Variants in CS observed in about 807,000 individuals in gnomAD.
The protein encoded by CS is citrate synthase, mitochondrial.
Under a neutral mutation model 61.4 loss-of-function variants are expected in CS, and 13 were observed. The observed-to-expected ratio is 0.21, with a 90% CI of 0.14 to 0.34. CS has a LOEUF of 0.34. CS is among the 10% of genes least tolerant of loss of function. The probability of loss-of-function intolerance (pLI) is 1.00; values close to 1 mark genes in which losing one functional copy is unlikely to be tolerated. For synonymous variants in CS, 159 were observed against 215.2 expected, an observed-to-expected ratio of 0.74 and a Z score of 2.29; for missense variants, 278 against 573.4, an observed-to-expected ratio of 0.48 and a Z score of 5.26.
Position 56,273,702 on chromosome 12 carries a change from G to C in CS, c.1115C>G (p.Pro372Arg), listed in dbSNP as rs914376579. ...CAGCTGAGCAACCAACTTAAACATGGGGTCATTAGGCAGGTGTTTCAGAGC... is the reference window on the plus strand; with the variant it reads ...CAGCTGAGCAACCAACTTAAACATGCGGTCATTAGGCAGGTGTTTCAGAGC... ...EFALKHLPNDPMFKLVAQLYK... is the reference protein window; with the variant it reads ...EFALKHLPNDRMFKLVAQLYK... Residue 372 changes from proline (P) to arginine (R), a missense_variant, in exon 10 of 11, where the codon CCC becomes CGC. Physicochemically the swap from Pro to Arg is moderately radical, Grantham distance 103. Transcript: ENST00000351328. The C allele has an allele frequency of 3.7e-6, 6 of 1,614,012 alleles. No individual in the cohort carries two copies. The African/African-American group carries it at 8.0e-5, about 22-fold the overall frequency.
chr12:56,293,023 C>G (rs959059871), intron 1 of CS, among the ~76,000 whole-genome samples: 2 of 152,130 alleles, frequency 1.3e-5, no homozygotes. Context: ...AGAAGAATCG[C>G]TTGAACCCAG....
At chr12:56,275,174 G>C (rs1377643857) in intron 7 of CS, 43 bp from the exon 8 acceptor site, 2 of 1,612,448 alleles carry the variant, frequency 1.2e-6, no homozygotes, top group Non-Finnish European at 1.7e-6. Flanking sequence ...AGAAAGAAGG[G>C]GCAGATTATG....
Position 56,274,043 on chromosome 12 carries a change from G to T in CS, c.1021-247C>A. On this transcript the variant is annotated intron_variant, in intron 9 of 10. Coordinates refer to ENST00000351328, the MANE Select transcript of CS (RefSeq NM_004077.3). The stretch of plus-strand genomic sequence containing the variant: ...TAAAGATGGGGTCTGGCCGTGTGCG[G>T]TGGCTCATGCCTGTAATCCCAGCAC... 6.0e-6 allele frequency: 3 copies of T among 496,744 alleles called. No individual in the cohort carries two copies. The South Asian group carries it at 6.4e-5, about 11-fold the overall frequency. 30.8% of individuals were successfully genotyped at this position (496,744 alleles called of 1,614,324 possible).
intron 1 of CS, among the ~76,000 whole-genome samples, chr12:56,296,045 C>T (rs569766759): frequency 3.3e-5 from 5 of 150,126 alleles, no homozygotes; most frequent in Admixed American, 2.0e-4. Context: ...TTCCAGATCC[C>T]ATCCTACTTT....
Position 56,272,863 on chromosome 12 carries a change from A to T in CS, c.*221T>A. ...CTGGTCATCCTCCAGGACCATGCGT[A>T]TGATGGGCAACTCATACCAGGCAGG... On this transcript the variant is annotated 3_prime_UTR_variant, in exon 11 of 11. Coordinates refer to ENST00000351328, the MANE Select transcript of CS (RefSeq NM_004077.3). The T allele has an allele frequency of 2.0e-6, 1 of 490,162 alleles. No homozygotes were observed. The highest frequency in any genetic ancestry group is 2.3e-5 in the South Asian group (1 of 43,618). The allele number at this position is 490,162 out of a possible 1,614,324, so 30.4% of individuals were successfully genotyped here. A position where few individuals can be genotyped will look rare whatever the true frequency, so the allele number is the denominator to read the frequency against.
At chr12:56,279,627 A>G (rs1239884245) in intron 6 of CS, among the ~76,000 whole-genome samples, 3 of 152,014 alleles carry the variant, frequency 2.0e-5, no homozygotes, top group Admixed American at 1.3e-4. Context: ...TTAGCCAGGC[A>G]TGGTGGCGGG....
intron 6 of CS, among the ~76,000 whole-genome samples, chr12:56,281,983 T>A (rs1326856422): frequency 6.6e-6 from 1 of 152,140 alleles, no homozygotes; most frequent in East Asian, 1.9e-4. Flanking sequence ...CTCAGCCTCC[T>A]GAGTAGGTGG....
At position 56,273,216 on chromosome 12, in the gene CS, C is replaced by T. The variant is rs1307883626; in HGVS notation, c.1269G>A (p.Leu423=). 7 of 1,614,066 alleles carry T rather than the reference C, an allele frequency of 4.3e-6. No homozygotes were observed. The African/African-American group carries it at 5.3e-5, about 12-fold the overall frequency. Residue 423 remains leucine, a synonymous_variant, in exon 11 of 11, where the codon CTG becomes CTA. Transcript: ENST00000351328. ...GMTEMNYYTV[L]FGVSRALGVL... ...CACCCAATGCTCGTGACACCCCAAACAGGACCGTGTAGTAATTCATCTCCG... is the reference window on the plus strand; with the variant it reads ...CACCCAATGCTCGTGACACCCCAAATAGGACCGTGTAGTAATTCATCTCCG...
chr12:56,288,630 T>C (rs1873018609), intron 1 of CS, among the ~76,000 whole-genome samples: 1 of 151,906 alleles, frequency 6.6e-6, no homozygotes, highest in African/African-American at 2.4e-5. Flanking sequence ...AGTTCCCCTA[T>C]TTCTGTTGGG....
At chr12:56,284,247 A>C (rs1872861640) in intron 3 of CS, among the ~76,000 whole-genome samples, 1 of 150,270 alleles carries the variant, frequency 6.7e-6, no homozygotes, top group South Asian at 2.1e-4. Context: ...TGAACCCAGA[A>C]GGCAGAGATT....
chr12:56,286,140 G>C (rs1565621994), intron 2 of CS, 117 bp from the exon 3 acceptor site: 2 of 747,598 alleles, frequency 2.7e-6, no homozygotes, highest in Non-Finnish European at 4.6e-6. Context: ...AGGGAAGTCT[G>C]GTCAACTACT....
intron 10 of CS, 41 bp downstream of exon 10, chr12:56,273,546 T>G: frequency 6.3e-7 from 1 of 1,586,324 alleles, no homozygotes; most frequent in Non-Finnish European, 8.7e-7. Context: ...ACAATAGGGT[T>G]TGGTACAAAT....
intron 1 of CS, among the ~76,000 whole-genome samples, chr12:56,297,997 C>CG (rs370171385): frequency 6.6e-6 from 1 of 151,864 alleles, no homozygotes; most frequent in Non-Finnish European, 1.5e-5. Context: ...CTACCCCCCC[C>CG]GCCCTTTTTT....
intron 6 of CS, among the ~76,000 whole-genome samples, chr12:56,278,557 CA>C (rs1320496161): frequency 6.6e-6 from 1 of 151,824 alleles, no homozygotes; most frequent in Non-Finnish European, 1.5e-5. Context: ...GCCAACAAGG[CA>C]AAACCCCATC....
chr12:56,284,324 A>C (rs1872866299), intron 3 of CS, among the ~76,000 whole-genome samples: 1 of 149,572 alleles, frequency 6.7e-6, no homozygotes, highest in African/African-American at 2.5e-5. Flanking sequence ...CATCTCAAAA[A>C]AAAAAAAAAA....
chr12:56,287,768 C>T (rs776736069), intron 1 of CS, among the ~76,000 whole-genome samples: 16 of 152,120 alleles, frequency 1.1e-4, no homozygotes, highest in Non-Finnish European at 2.4e-4. Context: ...GATTCTCCTG[C>T]CTTAGCCTCC....
rs188526912 is a variant in CS at position 56,275,278 on chromosome 12, A to T, written c.789-147T>A. On this transcript the variant is annotated intron_variant, in intron 7 of 10. Coordinates refer to ENST00000351328, the MANE Select transcript of CS (RefSeq NM_004077.3). Reference sequence around the variant, plus strand: ...TCAGTTATACCTAAACTCTTGTAAAAGACATCCTAATCTTGGCCAGGCACA... The same window carrying T: ...TCAGTTATACCTAAACTCTTGTAAATGACATCCTAATCTTGGCCAGGCACA... 2.6e-5 allele frequency: 25 copies of T among 952,466 alleles called. No homozygotes were observed. In the East Asian group the frequency reaches 6.1e-4, roughly 23 times the overall value. 59.0% of individuals were successfully genotyped at this position (952,466 alleles called of 1,614,324 possible).
At chr12:56,279,215 T>C (rs891917426) in intron 6 of CS, among the ~76,000 whole-genome samples, 1 of 152,264 alleles carries the variant, frequency 6.6e-6, no homozygotes, top group Non-Finnish European at 1.5e-5. Flanking sequence ...ATTAGAGGCC[T>C]AGAAGCTAGT....
Position 56,273,084 on chromosome 12 carries a change from T to G in CS, c.1401A>C (p.Ter467TyrextTer17), listed in dbSNP as rs1416965409. The G allele has an allele frequency of 6.2e-7, 1 of 1,602,848 alleles. No homozygotes were observed. The highest frequency in any genetic ancestry group is 2.2e-5 in the East Asian group (1 of 44,732). The change falls in exon 11 of 11, where the codon TAA becomes TAC. Residue 467 changes from the stop codon to tyrosine (Y), a stop_lost. Coordinates refer to ENST00000351328, the MANE Select transcript of CS (RefSeq NM_004077.3). ...LMKFVDSKSG[*>Y] ...AGTCACTTTCACCCAGTCTCCAGTT[T>G]TACCCTGACTTAGAGTCCACAAACT...
Sources: allele counts gnomAD v4.1 joint callset (sites outside exome capture counted in the v4.1 genomes callset), GRCh38; gene constraint gnomAD v4.1.1; transcripts MANE v1.5; gene names NCBI Gene and HGNC (gene_info 2026-07-23, HGNC 2026-07-21).